The following THADA variants were observed in gnomAD, a reference collection of about 807,000 sequenced individuals.
THADA encodes THADA armadillo repeat containing, also known as tRNA (32-2'-O)-methyltransferase regulator THADA.
In THADA, 213 loss-of-function variants were observed where a neutral mutation model predicts 219.8. The ratio of observed to expected loss-of-function variants is 0.97; its 90% CI spans 0.87 to 1.09. The LOEUF (loss-of-function observed/expected upper bound fraction) is 1.09. THADA is among the 50% of genes least tolerant of loss of function. The pLI, the probability that THADA is intolerant of heterozygous loss-of-function variation, is 0.00. For synonymous variants in THADA, 1,018 were observed against 828.9 expected (o/e 1.23, Z -3.92); for missense variants, 2,956 against 2,311.3 (o/e 1.28, Z -5.72).
chr2:43,285,098 G>A (rs1483924329), intron 35 of THADA, among the ~76,000 whole-genome samples: 1 of 152,178 alleles, frequency 6.6e-6, no homozygotes, highest in East Asian at 1.9e-4. Context: ...AGTTACCCTG[G>A]CTCAGATAAG....
At chr2:43,563,604 G>C (rs1163357151) in intron 15 of THADA, 2 of 152,062 alleles carry the variant, frequency 1.3e-5, no homozygotes. Context: ...TCGGCTGCTT[G>C]ACATATAATA....
At chr2:43,585,768 CTCACAAA>C (rs1043469118) in intron 7 of THADA, among the ~76,000 whole-genome samples, 5 of 151,952 alleles carry the variant, frequency 3.3e-5, no homozygotes, top group African/African-American at 1.2e-4. Context: ...GGATATTTCA[CTCACAAA>C]ATAAAACAGG....
At chr2:43,581,428 G>A (rs1700430541) in intron 8 of THADA, among the ~76,000 whole-genome samples, 1 of 151,986 alleles carries the variant, frequency 6.6e-6, no homozygotes, top group Middle Eastern at 3.4e-3. Flanking sequence ...CTACTCAGAA[G>A]CGGAGGCACG....
At chr2:43,548,500 T>C (rs1433632382) in intron 20 of THADA, among the ~76,000 whole-genome samples, 2 of 152,344 alleles carry the variant, frequency 1.3e-5, no homozygotes, top group East Asian at 3.9e-4. Flanking sequence ...GCAGGCCTCC[T>C]TGAGCTGTGG....
intron 31 of THADA, among the ~76,000 whole-genome samples, chr2:43,314,828 C>T (rs1221197669): frequency 6.6e-6 from 1 of 152,180 alleles, no homozygotes; most frequent in African/African-American, 2.4e-5. Context: ...ACAGAGAGTC[C>T]TTGTGGGTTT....
chr2:43,532,094 A>G (rs1693949807), intron 21 of THADA, among the ~76,000 whole-genome samples: 5 of 150,952 alleles, frequency 3.3e-5, no homozygotes, highest in Admixed American at 3.3e-4. Context: ...ACACTAAAAT[A>G]AGAAGAAATG....
intron 36 of THADA, among the ~76,000 whole-genome samples, chr2:43,257,106 G>C (rs1670395705): frequency 1.3e-5 from 2 of 152,218 alleles, no homozygotes; most frequent in Admixed American, 1.3e-4. Flanking sequence ...GGTGGGTGGA[G>C]AGGGGGGATG....
intron 12 of THADA, 127 bp downstream of exon 12, chr2:43,572,687 G>A: frequency 1.3e-6 from 1 of 741,458 alleles, no homozygotes; most frequent in Admixed American, 3.7e-5. Context: ...GGAGACTAGG[G>A]TTTCTACTCA....
intron 16 of THADA, among the ~76,000 whole-genome samples, chr2:43,559,485 CG>C (rs1697798907): frequency 1.3e-5 from 2 of 152,170 alleles, no homozygotes; most frequent in African/African-American, 4.8e-5. Context: ...CAGAAACCCT[CG>C]GCCTTTATAG....
intron 13 of THADA, 34 bp downstream of exon 13, chr2:43,571,673 C>G: frequency 1.9e-6 from 3 of 1,580,468 alleles, no homozygotes; most frequent in Non-Finnish European, 2.6e-6. Flanking sequence ...ACAAAGTTCA[C>G]CACTTCCCTA....
rs1165135215 is a variant in THADA at position 43,546,213 on chromosome 2, G to A, written c.3106+2997C>T. Among the ~76,000 whole-genome samples, 5 of 152,104 alleles carry A rather than the reference G, an allele frequency of 3.3e-5. No homozygotes were observed. The East Asian group carries it at 9.6e-4, about 29-fold the overall frequency. On this transcript the variant is annotated intron_variant, in intron 20 of 37. Transcript: ENST00000405975. ...GTTTCTTAATCCTGAGTTCTAGTTT[G>A]ATTGCACTGTGGTCTGAGAGACAGT...
At chr2:43,260,667 C>T (rs1670835142) in intron 36 of THADA, among the ~76,000 whole-genome samples, 1 of 152,090 alleles carries the variant, frequency 6.6e-6, no homozygotes, top group African/African-American at 2.4e-5. Flanking sequence ...GAAGACTGTG[C>T]TTAAATATCT....
At chr2:43,514,500 GTATAT>G (rs1192903607) in intron 22 of THADA, among the ~76,000 whole-genome samples, 1 of 108,464 alleles carries the variant, frequency 9.2e-6, no homozygotes, top group Non-Finnish European at 1.9e-5. Flanking sequence ...TAATATATAC[GTATAT>G]TTTATATATA....
chr2:43,498,735 G>A lies in THADA; in HGVS notation c.3744+98C>T, dbSNP rs1688574317. 3 of 1,269,706 alleles carry A rather than the reference G, an allele frequency of 2.4e-6. No individual in the cohort carries two copies. In the East Asian group the frequency reaches 7.8e-5, roughly 33 times the overall value. 78.7% of individuals were successfully genotyped at this position (1,269,706 alleles called of 1,614,324 possible). ...TTTCTAAGAAAATTCATGGTAAAGG[G>A]CAGGAAATATTTTTTATCACCCAGT... is the stretch of plus-strand genomic sequence containing the variant. On this transcript the variant is annotated intron_variant, in intron 25 of 37. Transcript: ENST00000405975.
At chr2:43,585,022 T>C (rs1358729652) in intron 7 of THADA, among the ~76,000 whole-genome samples, 1 of 152,032 alleles carries the variant, frequency 6.6e-6, no homozygotes, top group African/African-American at 2.4e-5. Flanking sequence ...ATTAAGACAA[T>C]GGTTTGGAAG....
In THADA at chr2:43,364,143, G is replaced by A. The variant is rs572774341; in HGVS notation, c.4228-19906C>T. The stretch of plus-strand genomic sequence containing the variant: ...GGAGGCTGAGGAGGGAGGATGGCTC[G>A]AGCTGGGGAGGCAAAGGATGCAGTG... On this transcript the variant is annotated intron_variant, in intron 29 of 37. Transcript: ENST00000405975. Among the ~76,000 whole-genome samples the A allele has an allele frequency of 2.0e-5, 3 of 152,160 alleles. No individual in the cohort carries two copies. In the South Asian group the frequency reaches 6.2e-4, roughly 32 times the overall value.
At chr2:43,503,433 A>G (rs114037837) in intron 24 of THADA, among the ~76,000 whole-genome samples, 735 of 152,350 alleles carry the variant, frequency 4.8e-3, no homozygotes, top group Non-Finnish European at 8.2e-3. Context: ...AGCAAAGTAT[A>G]AAAAGTGTCG....
intron 29 of THADA, among the ~76,000 whole-genome samples, chr2:43,375,470 T>C (rs1671268786): frequency 6.6e-6 from 1 of 152,256 alleles, no homozygotes; most frequent in Admixed American, 6.5e-5. Flanking sequence ...ATGATAAGTA[T>C]ACTTGGGGTC....
intron 36 of THADA, among the ~76,000 whole-genome samples, chr2:43,271,899 G>A (rs868184931): frequency 6.6e-6 from 1 of 152,112 alleles, no homozygotes; most frequent in Non-Finnish European, 1.5e-5. Flanking sequence ...ACAGGCGTGA[G>A]CCACCACGCC....
Sources: allele counts gnomAD v4.1 joint callset (sites outside exome capture counted in the v4.1 genomes callset), GRCh38; gene constraint gnomAD v4.1.1; transcripts MANE v1.5; gene names NCBI Gene and HGNC (gene_info 2026-07-23, HGNC 2026-07-21).